CCDC171: variants seen among roughly 807,000 people sequenced by gnomAD.
CCDC171 encodes coiled-coil domain-containing protein 171.
A neutral mutation model predicts 168.2 loss-of-function variants in CCDC171; 177 were observed. That is an observed-to-expected ratio of 1.05 (90% CI 0.93 to 1.19). The LOEUF (loss-of-function observed/expected upper bound fraction) is 1.19, where lower values mean the gene tolerates loss of function less well. CCDC171 is among the 50% of genes most tolerant of loss of function. The pLI is 0.00. For missense variants in CCDC171, 1,991 were observed against 1,539.0 expected (o/e 1.29, Z -4.91); for synonymous variants, 687 against 540.8 (o/e 1.27, Z -3.75).
At chr9:15,970,712 A>T (rs1373263275) in intron 25 of CCDC171, among the ~76,000 whole-genome samples, 3 of 152,178 alleles carry the variant, frequency 2.0e-5, no homozygotes, top group Non-Finnish European at 2.9e-5. Flanking sequence ...ATTTCTGGAT[A>T]CCATCAGTGT....
intron 23 of CCDC171, among the ~76,000 whole-genome samples, chr9:15,868,426 G>A (rs1362881842): frequency 1.3e-5 from 2 of 151,766 alleles, no homozygotes; most frequent in African/African-American, 4.8e-5. Flanking sequence ...CATTGTATAA[G>A]GATGATTGCT....
At chr9:15,917,730 A>C (rs1824719380) in intron 24 of CCDC171, among the ~76,000 whole-genome samples, 1 of 151,688 alleles carries the variant, frequency 6.6e-6, no homozygotes, top group Non-Finnish European at 1.5e-5. Flanking sequence ...ATAACTTTTA[A>C]AATGTGGAAC....
chr9:15,757,534 A>G (rs1028461881), intron 18 of CCDC171, among the ~76,000 whole-genome samples: 5 of 152,194 alleles, frequency 3.3e-5, no homozygotes, highest in Admixed American at 6.5e-5. Context: ...CAGCCTGACA[A>G]TGTGGTAGAC....
At chr9:15,575,469 C>T (rs1005668290) in intron 3 of CCDC171, among the ~76,000 whole-genome samples, 5 of 152,078 alleles carry the variant, frequency 3.3e-5, no homozygotes, top group Non-Finnish European at 5.9e-5. Flanking sequence ...CCACCGTACT[C>T]GGCTGACATA....
In CCDC171 at chr9:15,744,505, C is replaced by T. The variant is rs2055126866; in HGVS notation, c.2282C>T (p.Thr761Ile). The change falls in exon 17 of 26, where the codon ACC (threonine) becomes ATC (isoleucine). Residue 761 changes from threonine to isoleucine, a missense_variant. Physicochemically the swap from Thr to Ile is moderately conservative, Grantham distance 89. Coordinates refer to ENST00000380701, the MANE Select transcript of CCDC171 (RefSeq NM_173550.4). ...QRDFLQEQVN[T>I]FELFKLEIRT... is the part of the protein sequence containing the mutation. ...GATTTTCTCCAGGAGCAGGTCAACA[C>T]CTTTGAGTTGTTCAAACTGGAAATT... 1 of 1,614,076 alleles carries T rather than the reference C, an allele frequency of 6.2e-7. No homozygotes were observed. The highest frequency in any genetic ancestry group is 1.3e-5 in the African/African-American group (1 of 74,938).
At chr9:15,626,237 A>C (rs182545161) in intron 7 of CCDC171, among the ~76,000 whole-genome samples, 2 of 152,138 alleles carry the variant, frequency 1.3e-5, no homozygotes, top group Non-Finnish European at 2.9e-5. Context: ...GGGTTTTCTA[A>C]ATATACAATC....
intron 21 of CCDC171, among the ~76,000 whole-genome samples, chr9:15,806,707 A>T (rs1332663482): frequency 1.3e-5 from 2 of 151,728 alleles, no homozygotes; most frequent in Non-Finnish European, 2.9e-5. Context: ...GTGTCTTGGG[A>T]TGCTCTTGTG....
rs1306686603 is a variant in CCDC171, at chr9:15,638,116, G to T, written c.822+14703G>T. On this transcript the variant is annotated intron_variant, in intron 7 of 25. Coordinates refer to ENST00000380701, the MANE Select transcript of CCDC171 (RefSeq NM_173550.4). The stretch of plus-strand genomic sequence containing the variant: ...GTGTAAATACTTTTGATAATACCAG[G>T]TCTCTGCTTTTGGAGAACTTGAAGC... 3.3e-5 allele frequency among the ~76,000 whole-genome samples: 5 copies of T among 152,066 alleles called. No individual in the cohort carries two copies. In the South Asian group the frequency reaches 1.0e-3, roughly 32 times the overall value.
intron 18 of CCDC171, among the ~76,000 whole-genome samples, chr9:15,769,541 T>C (rs1338300788): frequency 1.3e-5 from 2 of 152,354 alleles, no homozygotes; most frequent in East Asian, 1.9e-4. Context: ...ATTAGCAGCA[T>C]AGTGACTTTG....
At chr9:15,952,464 C>T (rs1216015823) in intron 25 of CCDC171, among the ~76,000 whole-genome samples, 3 of 152,116 alleles carry the variant, frequency 2.0e-5, no homozygotes, top group Non-Finnish European at 4.4e-5. Flanking sequence ...ATGGCGTGAT[C>T]TCAGCTCACT....
chr9:15,665,965 T>C (rs540291527), intron 8 of CCDC171, among the ~76,000 whole-genome samples, 198 bp from the exon 9 acceptor site: 13 of 152,332 alleles, frequency 8.5e-5, no homozygotes, highest in South Asian at 4.1e-4. Flanking sequence ...TTCATTCTTC[T>C]ACTCTTTCTC....
chr9:16,093,143 G>A, the CCDC171 span, among the ~76,000 whole-genome samples: 4 of 152,190 alleles, frequency 2.6e-5, no homozygotes, highest in African/African-American at 4.8e-5. Context: ...CCATTTTCTC[G>A]TCTCAAATAA....
chr9:15,581,919 A>T (rs1587127130), intron 4 of CCDC171, among the ~76,000 whole-genome samples: 1 of 152,330 alleles, frequency 6.6e-6, no homozygotes, highest in East Asian at 1.9e-4. Flanking sequence ...ACAAAAGCCA[A>T]AATAGACAAA....
intron 7 of CCDC171, among the ~76,000 whole-genome samples, chr9:15,637,421 A>G (rs1459318292): frequency 2.0e-5 from 3 of 151,970 alleles, no homozygotes; most frequent in Admixed American, 2.0e-4. Context: ...GTATAATATT[A>G]TTATAGACTG....
At position 15,818,782 on chromosome 9, in the gene CCDC171, T is replaced by C. The variant is rs186495449; in HGVS notation, c.3268-27920T>C. ...GGAAAACACTCTGCAGGATATTATC[T>C]AGGAGAACTTCCCCAATCTAGCAAG... On this transcript the variant is annotated intron_variant, in intron 21 of 25. Coordinates refer to ENST00000380701, the MANE Select transcript of CCDC171 (RefSeq NM_173550.4). Among the ~76,000 whole-genome samples the C allele has an allele frequency of 3.2e-4, 37 of 117,392 alleles. 10 individuals carry two copies. Among genetic ancestry groups the C allele is most frequent in the African/African-American group, 9.0e-4 (28 of 31,280 alleles). The allele number at this position is 117,392 out of a possible 152,430, so 77.0% of individuals were successfully genotyped here. A position where few individuals can be genotyped will look rare whatever the true frequency, so the allele number is the denominator to read the frequency against.
At chr9:15,701,935 G>C (rs1177555843) in intron 11 of CCDC171, among the ~76,000 whole-genome samples, 1 of 152,186 alleles carries the variant, frequency 6.6e-6, no homozygotes, top group African/African-American at 2.4e-5. Context: ...AGATCCATCA[G>C]AGGAATCACC....
chr9:15,684,104 A>G (rs944119694), intron 10 of CCDC171, among the ~76,000 whole-genome samples: 1 of 152,172 alleles, frequency 6.6e-6, no homozygotes, highest in Admixed American at 6.5e-5. Flanking sequence ...CATTGTGCAT[A>G]TAATGGTAAC....
At chr9:16,103,613 G>T in the CCDC171 span, among the ~76,000 whole-genome samples, 1 of 152,224 alleles carries the variant, frequency 6.6e-6, no homozygotes, top group Non-Finnish European at 1.5e-5. Flanking sequence ...GACGTGGCTT[G>T]GGACCTGTTA....
chr9:15,606,243 A>G (rs1216543276), intron 6 of CCDC171, among the ~76,000 whole-genome samples: 1 of 152,218 alleles, frequency 6.6e-6, no homozygotes, highest in East Asian at 1.9e-4. Context: ...ATTGTATTTC[A>G]GTAATCTCTT....
Sources: allele counts gnomAD v4.1 joint callset (sites outside exome capture counted in the v4.1 genomes callset), GRCh38; gene constraint gnomAD v4.1.1; transcripts MANE v1.5; gene names NCBI Gene and HGNC (gene_info 2026-07-23, HGNC 2026-07-21).